The following VAV3 variants were observed in gnomAD, a reference collection of about 807,000 sequenced individuals.
The protein encoded by VAV3 is vav guanine nucleotide exchange factor 3, also known as guanine nucleotide exchange factor VAV3.
A neutral mutation model predicts 131.2 loss-of-function variants in VAV3; 94 were observed. The ratio of observed to expected loss-of-function variants is 0.72; its 90% confidence interval spans 0.61 to 0.85. The LOEUF (loss-of-function observed/expected upper bound fraction) is 0.85. Ranked by LOEUF, VAV3 falls within the 40% of genes least tolerant of loss-of-function variation. VAV3 has a pLI of 0.00. For missense variants in VAV3, 939 were observed against 1,002.7 expected, an observed-to-expected ratio of 0.94 and a Z score of 0.86; for synonymous variants, 349 against 342.0, an observed-to-expected ratio of 1.02 and a Z score of -0.22.
chr1:107,650,474 A>G (rs1187356440), intron 19 of VAV3, among the ~76,000 whole-genome samples: 1 of 151,862 alleles, frequency 6.6e-6, no homozygotes, highest in Admixed American at 6.6e-5. Context: ...CCCCAAATAC[A>G]TATGTTGACA....
intron 2 of VAV3, among the ~76,000 whole-genome samples, chr1:107,846,543 T>C (rs546401946): frequency 8.7e-4 from 133 of 152,234 alleles, no homozygotes; most frequent in African/African-American, 2.9e-3. Flanking sequence ...AAGACACACA[T>C]AGGCTCAAAA....
intron 2 of VAV3, among the ~76,000 whole-genome samples, chr1:107,792,653 C>A (rs1666354840): frequency 6.6e-6 from 1 of 152,192 alleles, no homozygotes; most frequent in Non-Finnish European, 1.5e-5. Context: ...CAAAAAATTA[C>A]CATGATCTCA....
intron 15 of VAV3, among the ~76,000 whole-genome samples, chr1:107,716,940 T>C (rs1451693390): frequency 1.3e-5 from 2 of 152,186 alleles, no homozygotes; most frequent in Non-Finnish European, 2.9e-5. Flanking sequence ...TACTCAGGGA[T>C]TCAACATCTT....
At chr1:107,898,652 CT>C (rs1671720101) in intron 1 of VAV3, among the ~76,000 whole-genome samples, 2 of 152,232 alleles carry the variant, frequency 1.3e-5, no homozygotes, top group South Asian at 4.1e-4. Context: ...TTTTATTACA[CT>C]TAATGACACA....
Position 107,770,684 on chromosome 1 carries a change from A to C in VAV3, c.600T>G (p.Ile200Met). The change falls in exon 6 of 27, where the codon ATT (isoleucine) becomes ATG (methionine). Residue 200 changes from isoleucine (I) to methionine (M), a missense_variant. Ile to Met is a conservative substitution (Grantham distance 10). Coordinates refer to ENST00000370056, the MANE Select transcript of VAV3 (RefSeq NM_006113.5). Reference protein sequence around the residue: ...NDIRSCCLAEIKQTEEKYTET... With the variant: ...NDIRSCCLAEMKQTEEKYTET... ...CTGTATATTTTTCTTCTGTCTGCTT[A>C]ATTTCTGCTAGACAACAACTTCGTA... 1 of 1,612,408 alleles carries C rather than the reference A, an allele frequency of 6.2e-7. No homozygotes were observed. The highest frequency in any genetic ancestry group is 8.5e-7 in the Non-Finnish European group (1 of 1,179,310).
At chr1:107,836,875 C>A (rs1472804344) in intron 2 of VAV3, among the ~76,000 whole-genome samples, 1 of 151,918 alleles carries the variant, frequency 6.6e-6, no homozygotes, top group Non-Finnish European at 1.5e-5. Flanking sequence ...AAATTGAAAA[C>A]CTGAACAGAT....
intron 21 of VAV3, among the ~76,000 whole-genome samples, chr1:107,615,390 G>T (rs909868968): frequency 6.6e-6 from 1 of 152,132 alleles, no homozygotes; most frequent in East Asian, 1.9e-4. Flanking sequence ...TGGGATAACT[G>T]GCTAGCCATA....
chr1:107,741,405 G>A lies in VAV3; in HGVS notation c.1502+7563C>T, dbSNP rs148939689. Reference sequence around the variant, plus strand: ...TGACTAGCCGCTCCCTGAAGGGGTGGTGAGGCAAGGGGTGCTGGTCCTCTG... The same window carrying A: ...TGACTAGCCGCTCCCTGAAGGGGTGATGAGGCAAGGGGTGCTGGTCCTCTG... On this transcript the variant is annotated intron_variant, in intron 15 of 26. Transcript: ENST00000370056. 1.6e-3 allele frequency among the ~76,000 whole-genome samples: 251 copies of A among 152,322 alleles called. 1 individual carries two copies. Among genetic ancestry groups the A allele is most frequent in the African/African-American group, 5.7e-3 (238 of 41,572 alleles).
At chr1:107,952,487 C>CATATATATATATATATAT (rs1173992663) in intron 1 of VAV3, among the ~76,000 whole-genome samples, 4 of 133,474 alleles carry the variant, frequency 3.0e-5, no homozygotes, top group African/African-American at 6.2e-5. Context: ...TATATATATA[C>CATATATATATATATATAT]ACACATAAAT....
At chr1:107,779,017 TTTGA>T (rs767431219) in intron 3 of VAV3, among the ~76,000 whole-genome samples, 2 of 152,330 alleles carry the variant, frequency 1.3e-5, no homozygotes, top group Admixed American at 6.5e-5. Flanking sequence ...TTTATACTTG[TTTGA>T]TTATTTCTTA....
intron 2 of VAV3, among the ~76,000 whole-genome samples, chr1:107,837,410 A>G (rs1454219047): frequency 6.6e-6 from 1 of 152,104 alleles, no homozygotes; most frequent in African/African-American, 2.4e-5. Context: ...TAGGCATTGA[A>G]GGAACATTTC....
At chr1:107,839,944 T>C (rs1050732672) in intron 2 of VAV3, among the ~76,000 whole-genome samples, 1 of 152,110 alleles carries the variant, frequency 6.6e-6, no homozygotes, top group African/African-American at 2.4e-5. Flanking sequence ...GCCAATTCCT[T>C]GAAAGACACA....
At chr1:107,908,902 A>G (rs1672240529) in intron 1 of VAV3, among the ~76,000 whole-genome samples, 2 of 149,810 alleles carry the variant, frequency 1.3e-5, no homozygotes, top group Non-Finnish European at 1.5e-5. Context: ...GGAAGCATTC[A>G]GTATAGGGAG....
At chr1:107,736,424 GT>G (rs1259102955) in intron 15 of VAV3, among the ~76,000 whole-genome samples, 1 of 152,164 alleles carries the variant, frequency 6.6e-6, no homozygotes, top group Non-Finnish European at 1.5e-5. Context: ...AATTGTCCCT[GT>G]TTGCAGATGA....
intron 3 of VAV3, among the ~76,000 whole-genome samples, chr1:107,778,404 A>T (rs1665487700): frequency 4.5e-5 from 3 of 66,006 alleles, no homozygotes; most frequent in African/African-American, 4.9e-5. Context: ...TCATGCTTTA[A>T]AAAAATCTTT....
chr1:107,772,755 C>T lies in VAV3; in HGVS notation c.535G>A (p.Ala179Thr). Reference protein sequence around the residue: ...GGEVYEDLMKAEEAHQPKCPE... With the variant: ...GGEVYEDLMKTEEAHQPKCPE... ...CCTACGGGCTGATGTGCTTCCTCTGCCTTCATTAAGTCCTCATAGACTTCT... is the reference window on the plus strand; with the variant it reads ...CCTACGGGCTGATGTGCTTCCTCTGTCTTCATTAAGTCCTCATAGACTTCT... Residue 179 changes from alanine to threonine, a missense_variant, in exon 5 of 27, where the codon GCA (alanine) becomes ACA (threonine). Physicochemically the swap from Ala to Thr is moderately conservative, Grantham distance 58. Coordinates refer to ENST00000370056, the MANE Select transcript of VAV3 (RefSeq NM_006113.5). 5.6e-6 allele frequency: 9 copies of T among 1,613,504 alleles called. No individual in the cohort carries two copies. The highest frequency in any genetic ancestry group is 7.6e-6 in the Non-Finnish European group (9 of 1,179,692).
chr1:107,760,238 A>C (rs1664336725), intron 10 of VAV3, among the ~76,000 whole-genome samples: 2 of 152,196 alleles, frequency 1.3e-5, no homozygotes, highest in Admixed American at 1.3e-4. Context: ...TAGCTATCAA[A>C]TTAAATTTAT....
chr1:107,846,005 C>T (rs908393968), intron 2 of VAV3, among the ~76,000 whole-genome samples: 2 of 151,910 alleles, frequency 1.3e-5, no homozygotes, highest in African/African-American at 4.8e-5. Context: ...TTATCAGATC[C>T]CCAAGGCAGA....
chr1:107,602,026 A>G (rs1359795385), intron 24 of VAV3, among the ~76,000 whole-genome samples: 1 of 152,164 alleles, frequency 6.6e-6, no homozygotes, highest in Non-Finnish European at 1.5e-5. Flanking sequence ...AATGTTAGAC[A>G]TATTTTACTA....
Sources: allele counts gnomAD v4.1 joint callset (sites outside exome capture counted in the v4.1 genomes callset), GRCh38; gene constraint gnomAD v4.1.1; transcripts MANE v1.5; gene names NCBI Gene and HGNC (gene_info 2026-07-23, HGNC 2026-07-21).